The following NSD3 variants were observed in gnomAD, a reference collection of about 807,000 sequenced individuals.
NSD3 encodes nuclear receptor binding SET domain protein 3, also known as histone-lysine N-methyltransferase NSD3.
A neutral mutation model predicts 160.8 loss-of-function variants in NSD3; 24 were observed. The ratio of observed to expected loss-of-function variants is 0.15; its 90% CI spans 0.11 to 0.21. NSD3 has a LOEUF of 0.21. Among genes scored for constraint, NSD3 ranks in the 10% least tolerant of loss-of-function variants. The pLI, the probability that NSD3 is intolerant of heterozygous loss-of-function variation, is 1.00. For synonymous variants in NSD3, 520 were observed against 600.0 expected (o/e 0.87, Z 1.95); for missense variants, 1,157 against 1,735.9 (o/e 0.67, Z 5.93).
intron 15 of NSD3, among the ~76,000 whole-genome samples, chr8:38,298,525 A>G (rs2131003514): frequency 6.6e-6 from 1 of 151,670 alleles, no homozygotes; most frequent in South Asian, 2.1e-4. Flanking sequence ...TTTCAAATAC[A>G]CCTACTGTGT....
chr8:38,337,548 G>C (rs189237360), intron 3 of NSD3, 81 bp from the exon 4 acceptor site: 124 of 1,243,934 alleles, frequency 1.0e-4, no homozygotes, highest in Admixed American at 1.8e-4. Flanking sequence ...TGCTAACAAT[G>C]TAATTTTATC....
chr8:38,351,993 C>A (rs1810714830), intron 1 of NSD3, among the ~76,000 whole-genome samples: 1 of 150,922 alleles, frequency 6.6e-6, no homozygotes, highest in Admixed American at 6.6e-5. Flanking sequence ...GCACATTGTG[C>A]ACATGTACCC....
At chr8:38,296,074 G>A in intron 15 of NSD3, 122 bp from the exon 16 acceptor site, 2 of 1,014,404 alleles carry the variant, frequency 2.0e-6, no homozygotes, top group South Asian at 1.7e-5. Context: ...ATAACAAAGG[G>A]ACTGAGTCAT....
chr8:38,279,492 T>A, intron 21 of NSD3, 48 bp downstream of exon 21: 3 of 1,605,306 alleles, frequency 1.9e-6, no homozygotes, highest in Non-Finnish European at 8.5e-7. Flanking sequence ...CTATAGGATA[T>A]TCTTTCTTCC....
At chr8:38,315,610 T>C (rs1255385420) in intron 10 of NSD3, 66 bp from the exon 11 acceptor site, 6 of 1,588,622 alleles carry the variant, frequency 3.8e-6, no homozygotes, top group Non-Finnish European at 5.1e-6. Context: ...TAAGATGCTA[T>C]GAAAATCCTA....
intron 15 of NSD3, 39 bp from the exon 16 acceptor site, chr8:38,295,991 GGA>G: frequency 6.5e-7 from 1 of 1,549,612 alleles, no homozygotes; most frequent in Non-Finnish European, 8.7e-7. Context: ...TGAGAAAAGA[GGA>G]GAGAGAAAAA....
rs561362638 is a variant in NSD3 at position 38,369,783 on chromosome 8, TTTTTTG to T, written c.-45+12010_-45+12015del. On this transcript the variant is annotated intron_variant, in intron 1 of 23. Transcript: ENST00000317025. ...ATACTTCACTGCCCTCCCAGTTTTG[TTTTTTG>T]TTTTTGTTTTTGTTTTTGTTTTTGA... Among the ~76,000 whole-genome samples, 940 of 152,086 alleles carry T rather than the reference TTTTTTG, an allele frequency of 6.2e-3. 11 individuals are homozygous for T. The highest frequency in any genetic ancestry group is 0.018 in the African/African-American group (728 of 41,486).
At chr8:38,345,688 A>G (rs1310712553) in intron 2 of NSD3, among the ~76,000 whole-genome samples, 1 of 152,028 alleles carries the variant, frequency 6.6e-6, no homozygotes, top group East Asian at 1.9e-4. Flanking sequence ...AGGCAGGTGG[A>G]TCACCTGAGG....
chr8:38,374,417 A>C (rs1385119913), intron 1 of NSD3, among the ~76,000 whole-genome samples: 1 of 152,194 alleles, frequency 6.6e-6, no homozygotes, highest in African/African-American at 2.4e-5. Flanking sequence ...GGGTAATATA[A>C]GCTATGAAGA....
At position 38,321,616 on chromosome 8, in the gene NSD3, TTTAA is replaced by T. The variant is rs1490072248; in HGVS notation, c.1709-448_1709-445del. Among the ~76,000 whole-genome samples the T allele has an allele frequency of 6.6e-6, 1 of 152,160 alleles. No homozygotes were observed. Among genetic ancestry groups the T allele is most frequent in the African/African-American group, 2.4e-5 (1 of 41,442 alleles). On this transcript the variant is annotated intron_variant, in intron 7 of 23. Coordinates refer to ENST00000317025, the MANE Select transcript of NSD3 (RefSeq NM_023034.2). This position sits in a 1 kb window ranked among gnomAD's most constrained non-coding sequence, Gnocchi z 4.7. ...CACATTCTGCATTTTAACAAATGAG[TTTAA>T]TTAATTCTATACATAAAATGGTTAA... is the stretch of plus-strand genomic sequence containing the variant.
intron 1 of NSD3, among the ~76,000 whole-genome samples, chr8:38,352,361 G>T (rs1810723408): frequency 6.6e-6 from 1 of 152,126 alleles, no homozygotes; most frequent in South Asian, 2.1e-4. Flanking sequence ...GCTTTACATT[G>T]GTGGGGGGTG....
chr8:38,355,492 T>C (rs1221820526), intron 1 of NSD3, among the ~76,000 whole-genome samples: 5 of 151,810 alleles, frequency 3.3e-5, no homozygotes, highest in Non-Finnish European at 5.9e-5. Context: ...GTAAGACACA[T>C]AAAATAGTAG....
chr8:38,349,285 T>G (rs1400192878), intron 1 of NSD3, among the ~76,000 whole-genome samples: 1 of 152,190 alleles, frequency 6.6e-6, no homozygotes, highest in Non-Finnish European at 1.5e-5. Flanking sequence ...CACAATTGTT[T>G]GATATAATAA....
chr8:38,360,122 A>G (rs1366007820), intron 1 of NSD3, among the ~76,000 whole-genome samples: 2 of 151,824 alleles, frequency 1.3e-5, no homozygotes, highest in Non-Finnish European at 2.9e-5. Context: ...CAGCCTCCCA[A>G]GTAGCTGGGA....
chr8:38,316,504 G>A lies in NSD3; in HGVS notation c.1856-462C>T, dbSNP rs1809667534. The A allele has an allele frequency of 4.8e-6, 5 of 1,045,706 alleles. No individual in the cohort carries two copies. The highest frequency in any genetic ancestry group is 5.8e-6 in the Non-Finnish European group (5 of 866,716). 64.8% of individuals were successfully genotyped at this position (1,045,706 alleles called of 1,614,324 possible). A position where few individuals can be genotyped will look rare whatever the true frequency, so the allele number is the denominator to read the frequency against. Reference sequence around the variant, plus strand: ...TTTGATTTGTATTCGATTCGTACACGGATAGTGCCATTTTCCCCCAAATTT... The same window carrying A: ...TTTGATTTGTATTCGATTCGTACACAGATAGTGCCATTTTCCCCCAAATTT... On this transcript the variant is annotated intron_variant, in intron 9 of 23. Transcript: ENST00000317025. This position sits in a 1 kb window ranked among gnomAD's most constrained non-coding sequence, Gnocchi z 4.5.
chr8:38,288,408 C>G lies in NSD3; in HGVS notation c.3501+79G>C. On this transcript the variant is annotated intron_variant, in intron 19 of 23. Coordinates refer to ENST00000317025, the MANE Select transcript of NSD3 (RefSeq NM_023034.2). This position sits in a 1 kb window ranked among gnomAD's most constrained non-coding sequence, Gnocchi z 4.5. ...CCACAAATTCCTGCTGATTTTATCC[C>G]TAGAACTATACCCTACTGAAGCATT... is the stretch of plus-strand genomic sequence containing the variant. 1 of 1,525,340 alleles carries G rather than the reference C, an allele frequency of 6.6e-7. No individual in the cohort carries two copies. The highest frequency in any genetic ancestry group is 8.8e-7 in the Non-Finnish European group (1 of 1,134,318). 94.5% of individuals were successfully genotyped at this position (1,525,340 alleles called of 1,614,324 possible).
At chr8:38,362,590 T>C (rs1253830921) in intron 1 of NSD3, among the ~76,000 whole-genome samples, 1 of 152,180 alleles carries the variant, frequency 6.6e-6, no homozygotes, top group African/African-American at 2.4e-5. Context: ...AAGTACATCA[T>C]CCAAAAGAGT....
At chr8:38,350,613 T>C (rs2150385373) in intron 1 of NSD3, among the ~76,000 whole-genome samples, 1 of 152,322 alleles carries the variant, frequency 6.6e-6, no homozygotes, top group African/African-American at 2.4e-5. Context: ...CAGAAGCATC[T>C]GGAGTACTTT....
At chr8:38,314,561 C>A in intron 12 of NSD3, 86 bp downstream of exon 12, 2 of 1,550,338 alleles carry the variant, frequency 1.3e-6, no homozygotes, top group South Asian at 1.2e-5. Context: ...GTGATGGGAA[C>A]AAGATGTCCT....
Sources: allele counts gnomAD v4.1 joint callset (sites outside exome capture counted in the v4.1 genomes callset), GRCh38; gene constraint gnomAD v4.1.1; non-coding constraint Gnocchi (gnomAD v3.1); transcripts MANE v1.5; gene names NCBI Gene and HGNC (gene_info 2026-07-23, HGNC 2026-07-21).